The following NHS variants were observed in gnomAD, a reference collection of about 807,000 sequenced individuals.
NHS encodes the protein NHS actin remodeling regulator, also known as actin remodeling regulator NHS.
NHS carries 5 observed loss-of-function variants against 72.5 expected under a neutral mutation model. The ratio of observed to expected loss-of-function variants is 0.07; its 90% confidence interval spans 0.04 to 0.14. NHS has a LOEUF of 0.14. Ranked by LOEUF, NHS falls within the 10% of genes least tolerant of loss-of-function variation. The pLI is 1.00. For missense variants in NHS, 1,072 were observed against 1,355.7 expected (o/e 0.79, Z 3.29); for synonymous variants, 464 against 547.7 (o/e 0.85, Z 2.13).
rs140651691 is a variant in NHS at position 17,732,340 on chromosome X, G to C, written c.4832G>C (p.Ser1611Thr). The C allele has an allele frequency of 1.6e-4, 191 of 1,211,446 alleles. No individual in the cohort carries two copies. In the African/African-American group the frequency reaches 2.6e-3, roughly 16 times the overall value. ...VGRSRAPPAASSSRYSVRCRL... is the reference protein window; with the variant it reads ...VGRSRAPPAATSSRYSVRCRL... ...CGTTCTCGGGCCCCTCCTGCAGCCA[G>C]CAGCAGCCGCTACAGTGTCCGCTGC... The change falls in exon 9 of 9, where the codon AGC (serine) becomes ACC (threonine). Residue 1611 changes from serine to threonine, a missense_variant. Ser to Thr is a moderately conservative substitution (Grantham distance 58, BLOSUM62 1). Transcript: ENST00000676302.
intron 1 of NHS, among the ~76,000 whole-genome samples, chrX:17,581,549 A>C (rs1395298760): frequency 3.6e-5 from 4 of 112,117 alleles, no homozygotes; most frequent in African/African-American, 1.3e-4. Context: ...GAATTGGCTA[A>C]TAATTCCAAC....
chrX:17,403,094 T>C (rs1237796705), intron 1 of NHS, among the ~76,000 whole-genome samples: 1 of 112,080 alleles, frequency 8.9e-6, no homozygotes, highest in African/African-American at 3.2e-5. Flanking sequence ...TCTGCTATCT[T>C]TTTGGTCCTT....
chrX:17,723,763 G>A (rs866625024), intron 5 of NHS, among the ~76,000 whole-genome samples: 1 of 98,253 alleles, frequency 1.0e-5, no homozygotes, highest in African/African-American at 4.5e-5. Flanking sequence ...GTGTGTGTGT[G>A]TGTGTGTGCG....
At position 17,617,078 on chromosome X, in the gene NHS, A is replaced by G. The variant is rs537646871; in HGVS notation, c.566-70664A>G. ...CATCAGCTTTGTGAAACTGGGGCCT[A>G]CTGCTGGCTTCCCGGGACTGTCGTG... On this transcript the variant is annotated intron_variant, in intron 1 of 8. Transcript: ENST00000676302. Among the ~76,000 whole-genome samples, 10 of 112,358 alleles carry G rather than the reference A, an allele frequency of 8.9e-5. No homozygotes were observed. In the South Asian group the frequency reaches 3.7e-3, roughly 42 times the overall value.
At chrX:17,711,535 C>T (rs1159443398) in intron 3 of NHS, among the ~76,000 whole-genome samples, 2 of 111,986 alleles carry the variant, frequency 1.8e-5, no homozygotes, top group Non-Finnish European at 3.8e-5. Context: ...CATTCCATTA[C>T]CCTAAGAATT....
At chrX:17,430,320 CTTTCTTTCTTTTTCTTCT>C in intron 1 of NHS, among the ~76,000 whole-genome samples, 1 of 75,001 alleles carries the variant, frequency 1.3e-5, no homozygotes, top group Non-Finnish European at 2.4e-5. Context: ...TCTTTCCTTT[CTTTCTTTCTTTTTCTTCT>C]CTTTCTTTCT....
intron 1 of NHS, among the ~76,000 whole-genome samples, chrX:17,496,235 G>A (rs958419587): frequency 1.9e-4 from 21 of 110,768 alleles, no homozygotes; most frequent in Non-Finnish European, 3.4e-4. Context: ...ACAGGCCCAG[G>A]GCAGCACAGC....
rs1460407162 is a variant in NHS at position 17,659,034 on chromosome X, TCTC to T, written c.566-28707_566-28705del. Among the ~76,000 whole-genome samples, 10 of 112,609 alleles carry T rather than the reference TCTC, an allele frequency of 8.9e-5. 1 individual carries two copies. Among genetic ancestry groups the T allele is most frequent in the African/African-American group, 3.2e-4 (10 of 30,957 alleles). On this transcript the variant is annotated intron_variant, in intron 1 of 8. Coordinates refer to ENST00000676302, the MANE Select transcript of NHS (RefSeq NM_001291867.2). The stretch of plus-strand genomic sequence containing the variant: ...TGTGATTATAAGGAACCTAGTCTCT[TCTC>T]TTCTTATGAATCTACCATTCCCTAG...
At chrX:17,496,537 A>G in intron 1 of NHS, among the ~76,000 whole-genome samples, 1 of 111,096 alleles carries the variant, frequency 9.0e-6, no homozygotes, top group Non-Finnish European at 1.9e-5. Flanking sequence ...CAAAGACCAA[A>G]GCTCCAGTCA....
intron 1 of NHS, among the ~76,000 whole-genome samples, chrX:17,466,526 T>C (rs2064871265): frequency 1.8e-5 from 2 of 111,996 alleles, no homozygotes; most frequent in Admixed American, 1.9e-4. Context: ...CACCTCGTAG[T>C]GGAAAGAAGA....
chrX:17,629,009 CAGTG>C (rs1242278055), intron 1 of NHS, among the ~76,000 whole-genome samples: 279 of 112,647 alleles, frequency 2.5e-3, no homozygotes, highest in African/African-American at 8.7e-3. Context: ...TTAGTGGAAA[CAGTG>C]AGGAGAGAGT....
At chrX:17,446,593 T>A (rs747181083) in intron 1 of NHS, among the ~76,000 whole-genome samples, 11 of 107,622 alleles carry the variant, frequency 1.0e-4, no homozygotes, top group Admixed American at 1.0e-3. Context: ...CTATCTCCTT[T>A]CGCTAACTCT....
intron 1 of NHS, among the ~76,000 whole-genome samples, chrX:17,399,614 G>T (rs2064493791): frequency 9.0e-6 from 1 of 111,338 alleles, no homozygotes; most frequent in African/African-American, 3.3e-5. Flanking sequence ...AACATTTATT[G>T]TTGAGTGACT....
In NHS at chrX:17,706,490, A is replaced by AACAC. The variant is rs200289537; in HGVS notation, c.853-12822_853-12819dup. On this transcript the variant is annotated intron_variant, in intron 3 of 8. Coordinates refer to ENST00000676302, the MANE Select transcript of NHS (RefSeq NM_001291867.2). ...TAAGTCTAAATTATTTCAAAATAGA[A>AACAC]ACACACACACACACACACACACACA... Among the ~76,000 whole-genome samples, 893 of 98,063 alleles carry AACAC rather than the reference A, an allele frequency of 9.1e-3. 7 individuals carry two copies. Among genetic ancestry groups the AACAC allele is most frequent in the East Asian group, 0.017 (53 of 3,086 alleles). The allele number at this position is 98,063 out of a possible 115,157, so 85.2% of individuals were successfully genotyped here. A position where few individuals can be genotyped will look rare whatever the true frequency, so the allele number is the denominator to read the frequency against.
chrX:17,400,621 A>G, intron 1 of NHS, among the ~76,000 whole-genome samples: 1 of 111,314 alleles, frequency 9.0e-6, no homozygotes, highest in South Asian at 3.8e-4. Context: ...ATGAGAAGAA[A>G]ACAATTCTAT....
intron 1 of NHS, among the ~76,000 whole-genome samples, chrX:17,470,215 C>T (rs917500062): frequency 6.3e-5 from 7 of 110,625 alleles, no homozygotes; most frequent in Non-Finnish European, 1.3e-4. Flanking sequence ...CCCATCTAAA[C>T]GAGGCAGAGC....
chrX:17,575,734 C>T, intron 1 of NHS, among the ~76,000 whole-genome samples: 1 of 112,222 alleles, frequency 8.9e-6, no homozygotes, highest in Admixed American at 9.4e-5. Flanking sequence ...GCACAATGCT[C>T]CTCTCATGGT....
In NHS at chrX:17,573,369, G is replaced by C. The variant is rs771608244; in HGVS notation, c.566-114373G>C. Reference sequence around the variant, plus strand: ...TAGTCCAATATTTCTTGGAAGCTTTGTTCATTTCTTTTCACTCTTTTTTCT... The same window carrying C: ...TAGTCCAATATTTCTTGGAAGCTTTCTTCATTTCTTTTCACTCTTTTTTCT... On this transcript the variant is annotated intron_variant, in intron 1 of 8. Coordinates refer to ENST00000676302, the MANE Select transcript of NHS (RefSeq NM_001291867.2). Among the ~76,000 whole-genome samples the C allele has an allele frequency of 6.3e-5, 7 of 110,525 alleles. No homozygotes were observed. The South Asian group carries it at 1.9e-3, about 30-fold the overall frequency.
At chrX:17,551,724 G>C (rs191564081) in intron 1 of NHS, among the ~76,000 whole-genome samples, 2 of 111,178 alleles carry the variant, frequency 1.8e-5, no homozygotes, top group East Asian at 5.7e-4. Flanking sequence ...GCCTCTCAGC[G>C]TGCTTCCCTG....
Sources: allele counts gnomAD v4.1 joint callset (sites outside exome capture counted in the v4.1 genomes callset), GRCh38; gene constraint gnomAD v4.1.1; transcripts MANE v1.5; gene names NCBI Gene and HGNC (gene_info 2026-07-23, HGNC 2026-07-21).